GSAP: variants seen among roughly 807,000 people sequenced by gnomAD.
The protein encoded by GSAP is gamma-secretase activating protein.
In GSAP, 118 loss-of-function variants were observed where a neutral mutation model predicts 131.7. The observed-to-expected ratio is 0.90, with a 90% CI of 0.77 to 1.04. The LOEUF is 1.04. GSAP is among the 50% of genes least tolerant of loss of function. GSAP has a pLI of 0.00. For synonymous variants in GSAP, 381 were observed against 363.4 expected (o/e 1.05, Z -0.55); for missense variants, 1,019 against 1,013.2 (o/e 1.01, Z -0.08).
intron 28 of GSAP, among the ~76,000 whole-genome samples, chr7:77,312,876 G>A (rs1794558887): frequency 6.6e-6 from 1 of 152,214 alleles, no homozygotes; most frequent in Non-Finnish European, 1.5e-5. Context: ...AGAGTTAGAG[G>A]CTCGGAAGAC....
chr7:77,413,918 T>C (rs1220830663), intron 1 of GSAP, among the ~76,000 whole-genome samples: 1 of 152,212 alleles, frequency 6.6e-6, no homozygotes, highest in African/African-American at 2.4e-5. Flanking sequence ...TGTAGTTGTT[T>C]TGATTTTTAA....
intron 3 of GSAP, among the ~76,000 whole-genome samples, chr7:77,401,326 GAA>G (rs1200166797): frequency 6.6e-6 from 1 of 151,562 alleles, no homozygotes; most frequent in Non-Finnish European, 1.5e-5. Flanking sequence ...TAAGGAGAAA[GAA>G]AAAAATTTTT....
chr7:77,376,086 CTCTT>C (rs1319171347), intron 10 of GSAP, among the ~76,000 whole-genome samples: 1 of 152,134 alleles, frequency 6.6e-6, no homozygotes, highest in Non-Finnish European at 1.5e-5. Flanking sequence ...ATTGACTTGT[CTCTT>C]TATTCTCAAA....
chr7:77,336,483 T>C (rs1789991886), intron 19 of GSAP, among the ~76,000 whole-genome samples: 1 of 151,674 alleles, frequency 6.6e-6, no homozygotes, highest in Non-Finnish European at 1.5e-5. Flanking sequence ...CTCAAGCTCT[T>C]TTTTTTTGTT....
chr7:77,397,833 A>G (rs925691617), intron 3 of GSAP, among the ~76,000 whole-genome samples: 5 of 152,204 alleles, frequency 3.3e-5, no homozygotes, highest in African/African-American at 1.2e-4. Context: ...TACATGAAGC[A>G]CTTAGTGCAA....
At chr7:77,313,026 A>G (rs1794581010) in intron 28 of GSAP, among the ~76,000 whole-genome samples, 3 of 152,116 alleles carry the variant, frequency 2.0e-5, no homozygotes, top group Admixed American at 6.6e-5. Flanking sequence ...CTAAGTGTTG[A>G]TATTCCCTCA....
intron 24 of GSAP, 115 bp downstream of exon 24, chr7:77,323,532 A>C (rs780941811): frequency 5.6e-5 from 31 of 549,984 alleles, no homozygotes; most frequent in Non-Finnish European, 7.9e-5. Flanking sequence ...AGAACGGGAG[A>C]TCTCCAAAAA....
Position 77,328,604 on chromosome 7 carries a change from A to G in GSAP, c.1765+2T>C. The stretch of plus-strand genomic sequence containing the variant: ...AAGGCTTTATTACAGATCTTTTCTT[A>G]CCCAAATTTCTTGCTTCTAGGTTAG... On this transcript the variant is annotated splice_donor_variant, in intron 22 of 30. Transcript: ENST00000257626. LOFTEE classifies it high-confidence loss of function. 1 of 1,612,024 alleles carries G rather than the reference A, an allele frequency of 6.2e-7. No homozygotes were observed. The highest frequency in any genetic ancestry group is 8.5e-7 in the Non-Finnish European group (1 of 1,179,204).
At chr7:77,405,430 ATT>A (rs888886655) in intron 2 of GSAP, among the ~76,000 whole-genome samples, 1 of 152,336 alleles carries the variant, frequency 6.6e-6, no homozygotes, top group Admixed American at 6.5e-5. Context: ...TTTACTTGGC[ATT>A]TTTTGTCTAG....
At chr7:77,340,470 T>TCA (rs1790740915) in intron 19 of GSAP, among the ~76,000 whole-genome samples, 1 of 152,168 alleles carries the variant, frequency 6.6e-6, no homozygotes, top group Non-Finnish European at 1.5e-5. Flanking sequence ...CCTTGGGTCC[T>TCA]CAGACCAACC....
intron 24 of GSAP, among the ~76,000 whole-genome samples, chr7:77,321,840 T>A (rs1482098927): frequency 6.6e-6 from 1 of 152,208 alleles, no homozygotes; most frequent in East Asian, 1.9e-4. Flanking sequence ...GTCCAGATTC[T>A]ATACATTACT....
At position 77,356,806 on chromosome 7, in the gene GSAP, C is replaced by G. The variant is rs535318738; in HGVS notation, c.1028-1159G>C. 3.3e-5 allele frequency among the ~76,000 whole-genome samples: 5 copies of G among 152,320 alleles called. No individual in the cohort carries two copies. The East Asian group carries it at 7.7e-4, about 23-fold the overall frequency. ...GATTATAAGTGAGCCAGCTAGACTC[C>G]TTTTCCTAAGAAGTGAAGGAACACA... On this transcript the variant is annotated intron_variant, in intron 14 of 30. Coordinates refer to ENST00000257626, the MANE Select transcript of GSAP (RefSeq NM_017439.4).
At position 77,414,995 on chromosome 7, in the gene GSAP, T is replaced by A. The variant is rs560463204; in HGVS notation, c.109+1218A>T. The stretch of plus-strand genomic sequence containing the variant: ...GCCTCAGCCTCCCGAGTAGCTGGGA[T>A]TACAGGAGCGTGTCACCACGCCCAG... On this transcript the variant is annotated intron_variant, in intron 1 of 30. Transcript: ENST00000257626. 6.6e-5 allele frequency among the ~76,000 whole-genome samples: 10 copies of A among 151,946 alleles called. No homozygotes were observed. In the East Asian group the frequency reaches 1.5e-3, roughly 24 times the overall value.
At chr7:77,376,349 C>CTACA (rs1266092789) in intron 10 of GSAP, among the ~76,000 whole-genome samples, 1 of 152,176 alleles carries the variant, frequency 6.6e-6, no homozygotes, top group Admixed American at 6.5e-5. Context: ...TTCTAATGAC[C>CTACA]TACATTAACT....
intron 5 of GSAP, among the ~76,000 whole-genome samples, chr7:77,392,474 G>C (rs1355475655): frequency 1.3e-5 from 2 of 151,610 alleles, no homozygotes; most frequent in South Asian, 2.1e-4. Flanking sequence ...CTTGAACCCG[G>C]AAGTTGGAGG....
Position 77,346,659 on chromosome 7 carries a change from G to A in GSAP, c.1545+2692C>T, listed in dbSNP as rs117602872. Among the ~76,000 whole-genome samples, 1,337 of 151,784 alleles carry A rather than the reference G, an allele frequency of 8.8e-3. 37 individuals carry two copies. The highest frequency in any genetic ancestry group is 0.045 in the Admixed American group (690 of 15,218). On this transcript the variant is annotated intron_variant, in intron 19 of 30. Transcript: ENST00000257626. Reference sequence around the variant, plus strand: ...CAGGAGTTCAAGGTTGCAGTGAGCTGTGACTATGTCATTGCACTCCAGCCT... The same window carrying A: ...CAGGAGTTCAAGGTTGCAGTGAGCTATGACTATGTCATTGCACTCCAGCCT...
At chr7:77,389,379 T>TAA (rs200796440) in intron 5 of GSAP, among the ~76,000 whole-genome samples, 6 of 142,622 alleles carry the variant, frequency 4.2e-5, no homozygotes, top group Non-Finnish European at 7.7e-5. Flanking sequence ...TCTACAAAAA[T>TAA]AAAAAAAAAA....
Position 77,374,076 on chromosome 7 carries a change from G to C in GSAP, c.865C>G (p.His289Asp), listed in dbSNP as rs1349638731. Residue 289 changes from histidine (H) to aspartate (D), a missense_variant, in exon 12 of 31, where the codon CAT (histidine) becomes GAT (aspartate). By Grantham distance (81) the His-to-Asp change is moderately conservative (BLOSUM62 -1). Coordinates refer to ENST00000257626, the MANE Select transcript of GSAP (RefSeq NM_017439.4). ...AAATACAACCCTAGTTTACCTGTAT[G>C]GTTGGTAAAAACACACAGAGTCAGG... Reference protein sequence around the residue: ...KHLTLCVFTNHTGSLCVCYSP... With the variant: ...KHLTLCVFTNDTGSLCVCYSP... 1 of 1,532,438 alleles carries C rather than the reference G, an allele frequency of 6.5e-7. No individual in the cohort carries two copies. Among genetic ancestry groups the C allele is most frequent in the African/African-American group, 1.4e-5 (1 of 72,948 alleles). 94.9% of individuals were successfully genotyped at this position (1,532,438 alleles called of 1,614,324 possible). A position where few individuals can be genotyped will look rare whatever the true frequency, so the allele number is the denominator to read the frequency against.
chr7:77,388,993 G>A (rs1037095137), intron 5 of GSAP, among the ~76,000 whole-genome samples: 1 of 152,086 alleles, frequency 6.6e-6, no homozygotes, highest in Admixed American at 6.6e-5. Flanking sequence ...TACAACCAAG[G>A]GTATGGATGA....
Sources: gnomAD v4.1 joint callset for allele counts (sites outside exome capture counted in the v4.1 genomes callset) on GRCh38, gnomAD v4.1.1 for gene constraint, MANE v1.5 for transcripts, NCBI Gene and HGNC (gene_info 2026-07-23, HGNC 2026-07-21) for gene names.